CAMK2D: variants seen among roughly 807,000 people sequenced by gnomAD.
CAMK2D encodes the protein calcium/calmodulin dependent protein kinase II delta, also known as calcium/calmodulin-dependent protein kinase type II subunit delta.
CAMK2D carries 37 observed loss-of-function variants against 84.0 expected under a neutral mutation model. The observed-to-expected ratio is 0.44, with a 90% confidence interval of 0.34 to 0.58. The LOEUF (loss-of-function observed/expected upper bound fraction) is 0.58, where lower values mean the gene tolerates loss of function less well. Among genes scored for constraint, CAMK2D ranks in the 20% least tolerant of loss-of-function variants. The pLI is 0.02. For missense variants in CAMK2D, 448 were observed against 652.5 expected, an observed-to-expected ratio of 0.69 and a Z score of 3.41; for synonymous variants, 202 against 212.5, an observed-to-expected ratio of 0.95 and a Z score of 0.43.
intron 8 of CAMK2D, among the ~76,000 whole-genome samples, chr4:113,530,834 C>T (rs972447460): frequency 6.6e-6 from 1 of 152,180 alleles, no homozygotes; most frequent in Non-Finnish European, 1.5e-5. Context: ...CCTGTAATCC[C>T]AGCACTTTGA....
At chr4:113,626,907 G>T (rs1261327222) in intron 3 of CAMK2D, among the ~76,000 whole-genome samples, 1 of 152,092 alleles carries the variant, frequency 6.6e-6, no homozygotes, top group African/African-American at 2.4e-5. Context: ...GATGAATCAG[G>T]CTCATATAAT....
chr4:113,525,080 T>C (rs568639294), intron 8 of CAMK2D, among the ~76,000 whole-genome samples: 2 of 152,168 alleles, frequency 1.3e-5, no homozygotes, highest in Non-Finnish European at 1.5e-5. Context: ...AGCTGAAATA[T>C]GAAAAGGTTA....
intron 4 of CAMK2D, among the ~76,000 whole-genome samples, chr4:113,574,299 A>G (rs1266099696): frequency 6.6e-6 from 1 of 152,198 alleles, no homozygotes; most frequent in African/African-American, 2.4e-5. Flanking sequence ...CTACAAATAT[A>G]TTCTTCACAT....
chr4:113,605,602 T>G (rs1258222758), intron 4 of CAMK2D, among the ~76,000 whole-genome samples: 1 of 152,224 alleles, frequency 6.6e-6, no homozygotes, highest in Non-Finnish European at 1.5e-5. Flanking sequence ...TACCTTGATC[T>G]GCAAAACAAA....
At chr4:113,514,998 C>T in intron 10 of CAMK2D, 71 bp downstream of exon 10, 1 of 1,357,952 alleles carries the variant, frequency 7.4e-7, no homozygotes, top group Non-Finnish European at 1.0e-6. Context: ...ATTTTAAATC[C>T]ATAAACAATA....
chr4:113,674,352 G>A (rs899077768), intron 2 of CAMK2D, among the ~76,000 whole-genome samples: 7 of 152,108 alleles, frequency 4.6e-5, no homozygotes, highest in Non-Finnish European at 1.0e-4. Flanking sequence ...ATCATTCATT[G>A]AGAAGGAACA....
intron 2 of CAMK2D, among the ~76,000 whole-genome samples, chr4:113,719,464 T>C (rs2099523679): frequency 6.6e-6 from 1 of 152,238 alleles, no homozygotes; most frequent in African/African-American, 2.4e-5. Context: ...GCAACTTTTC[T>C]AAATTTTTCA....
chr4:113,687,165 C>A (rs1193514079), intron 2 of CAMK2D, among the ~76,000 whole-genome samples: 1 of 152,076 alleles, frequency 6.6e-6, no homozygotes, highest in Non-Finnish European at 1.5e-5. Context: ...CTCCCTTCCC[C>A]ATTTGAAAAA....
chr4:113,527,011 C>A (rs1438082069), intron 8 of CAMK2D, among the ~76,000 whole-genome samples: 1 of 150,462 alleles, frequency 6.6e-6, no homozygotes, highest in Non-Finnish European at 1.5e-5. Context: ...ATTTTCCTAA[C>A]AACTTGGGTT....
At chr4:113,460,368 A>C in intron 17 of CAMK2D, 127 bp from the exon 18 acceptor site, 1 of 681,952 alleles carries the variant, frequency 1.5e-6, no homozygotes, top group Non-Finnish European at 2.6e-6. Context: ...TTACATACAA[A>C]AGTTCTATCA....
At position 113,498,425 on chromosome 4, in the gene CAMK2D, G is replaced by A. The variant is rs146006807; in HGVS notation, c.1135+2038C>T. The stretch of plus-strand genomic sequence containing the variant: ...GGTTAGTCTCCAGAAGGCTGTCTGG[G>A]TCTTACAGAGAACACAAATGAGTCC... On this transcript the variant is annotated intron_variant, in intron 16 of 20. Transcript: ENST00000511664. 1.1e-4 allele frequency among the ~76,000 whole-genome samples: 17 copies of A among 152,226 alleles called. No individual in the cohort carries two copies. The East Asian group carries it at 1.5e-3, about 14-fold the overall frequency.
At chr4:113,529,408 G>T (rs192423221) in intron 8 of CAMK2D, among the ~76,000 whole-genome samples, 1 of 152,100 alleles carries the variant, frequency 6.6e-6, no homozygotes, top group African/African-American at 2.4e-5. Flanking sequence ...ATCAAGTAAA[G>T]TTTTTTAAAT....
At chr4:113,466,283 T>TATA (rs2097464109) in intron 16 of CAMK2D, among the ~76,000 whole-genome samples, 1 of 150,636 alleles carries the variant, frequency 6.6e-6, no homozygotes, top group Non-Finnish European at 1.5e-5. Flanking sequence ...AATAAATAAA[T>TATA]AAATATAAAA....
chr4:113,625,875 T>C (rs1356391467), intron 3 of CAMK2D, among the ~76,000 whole-genome samples: 3 of 151,608 alleles, frequency 2.0e-5, no homozygotes, highest in African/African-American at 7.3e-5. Context: ...AACATGCATG[T>C]AAAAAGTCAG....
intron 9 of CAMK2D, among the ~76,000 whole-genome samples, chr4:113,516,719 T>C (rs1401451374): frequency 6.6e-6 from 1 of 152,188 alleles, no homozygotes; most frequent in Non-Finnish European, 1.5e-5. Context: ...CACTTTCACA[T>C]TGAGCTTTCA....
At chr4:113,478,335 A>G (rs1052522999) in intron 16 of CAMK2D, among the ~76,000 whole-genome samples, 18 of 152,180 alleles carry the variant, frequency 1.2e-4, no homozygotes, top group African/African-American at 3.9e-4. Flanking sequence ...AAGAATACCA[A>G]CTCAGGTACA....
intron 3 of CAMK2D, among the ~76,000 whole-genome samples, chr4:113,613,409 G>A (rs553647485): frequency 6.6e-6 from 1 of 152,100 alleles, no homozygotes; most frequent in East Asian, 1.9e-4. Context: ...ATATGAACTG[G>A]TTTGTCAGGG....
intron 2 of CAMK2D, among the ~76,000 whole-genome samples, chr4:113,695,669 A>AC (rs1229973231): frequency 6.6e-6 from 1 of 151,838 alleles, no homozygotes; most frequent in Non-Finnish European, 1.5e-5. Context: ...CTCCCCTACA[A>AC]CCACCTGGGT....
chr4:113,716,410 G>A (rs1003389209), intron 2 of CAMK2D, among the ~76,000 whole-genome samples: 2 of 152,096 alleles, frequency 1.3e-5, no homozygotes, highest in Non-Finnish European at 2.9e-5. Context: ...AGCACTTTGG[G>A]AGGCCAAGGC....
Sources: allele counts gnomAD v4.1 joint callset (sites outside exome capture counted in the v4.1 genomes callset), GRCh38; gene constraint gnomAD v4.1.1; transcripts MANE v1.5; gene names NCBI Gene and HGNC (gene_info 2026-07-23, HGNC 2026-07-21).